The following RFTN1 variants were observed in gnomAD, a reference collection of about 807,000 sequenced individuals.
RFTN1 encodes raftlin, lipid raft linker 1.
RFTN1 carries 26 observed loss-of-function variants against 46.5 expected under a neutral mutation model. The ratio of observed to expected loss-of-function variants is 0.56; its 90% confidence interval spans 0.41 to 0.78. RFTN1 has a LOEUF of 0.78. RFTN1 is among the 30% of genes least tolerant of loss of function. The pLI, the probability that RFTN1 is intolerant of heterozygous loss-of-function variation, is 0.00. For missense variants in RFTN1, 693 were observed against 718.7 expected (o/e 0.96, Z 0.41); for synonymous variants, 261 against 284.2 (o/e 0.92, Z 0.82).
In RFTN1 at chr3:16,480,145, A is replaced by G. The variant is rs1021162489; in HGVS notation, c.145+13580T>C. On this transcript the variant is annotated intron_variant, in intron 2 of 9. Coordinates refer to ENST00000334133, the MANE Select transcript of RFTN1 (RefSeq NM_015150.2). This position sits in a 1 kb window ranked among gnomAD's most constrained non-coding sequence, Gnocchi z 4.3. ...ATCAATTTTGTTAAGTAACTTTGCC[A>G]GACAAGACTGCTTTCTCCAAAAAGA... Among the ~76,000 whole-genome samples, 3 of 142,498 alleles carry G rather than the reference A, an allele frequency of 2.1e-5. No individual in the cohort carries two copies. Among genetic ancestry groups the G allele is most frequent in the Admixed American group, 2.0e-4 (3 of 14,662 alleles). The allele number at this position is 142,498 out of a possible 152,430, so 93.5% of individuals were successfully genotyped here. A position where few individuals can be genotyped will look rare whatever the true frequency, so the allele number is the denominator to read the frequency against.
chr3:16,441,401 T>A (rs1264239906), intron 2 of RFTN1, among the ~76,000 whole-genome samples: 1 of 151,892 alleles, frequency 6.6e-6, no homozygotes, highest in African/African-American at 2.4e-5. Context: ...ATAAAGTAAA[T>A]TTTGTTTTTG....
chr3:16,324,050 G>T lies in RFTN1; in HGVS notation c.1251-593C>A, dbSNP rs1197770994. 2.0e-5 allele frequency among the ~76,000 whole-genome samples: 3 copies of T among 152,182 alleles called. No homozygotes were observed. The East Asian group carries it at 5.8e-4, about 29-fold the overall frequency. ...ACAGTGAATTCTCTCTTCCCAGGAAGGCAGGACCTGGAGCTGCCTCTAAAG... is the reference window on the plus strand; with the variant it reads ...ACAGTGAATTCTCTCTTCCCAGGAATGCAGGACCTGGAGCTGCCTCTAAAG... On this transcript the variant is annotated intron_variant, in intron 8 of 9. Transcript: ENST00000334133.
At chr3:16,369,040 G>C (rs907783868) in intron 6 of RFTN1, among the ~76,000 whole-genome samples, 2 of 152,160 alleles carry the variant, frequency 1.3e-5, no homozygotes, top group African/African-American at 4.8e-5. Context: ...CTATGATAAC[G>C]TGTCAATATT....
rs972658160 is a variant in RFTN1, at chr3:16,398,780, T to A, written c.441+10595A>T. Reference sequence around the variant, plus strand: ...GGGTGGCTGGAAAGTCACCTTGAGATGACAGAGTGTTATGCCCAGGCCCAG... The same window carrying A: ...GGGTGGCTGGAAAGTCACCTTGAGAAGACAGAGTGTTATGCCCAGGCCCAG... On this transcript the variant is annotated intron_variant, in intron 4 of 9. Transcript: ENST00000334133. Among the ~76,000 whole-genome samples the A allele has an allele frequency of 4.6e-5, 7 of 152,198 alleles. No individual in the cohort carries two copies. In the East Asian group the frequency reaches 9.6e-4, roughly 21 times the overall value.
intron 7 of RFTN1, among the ~76,000 whole-genome samples, chr3:16,350,554 G>T (rs532136988): frequency 4.0e-4 from 61 of 151,770 alleles, no homozygotes; most frequent in African/African-American, 1.4e-3. Context: ...AAACAGGTGT[G>T]TAACTGTCAA....
Position 16,442,583 on chromosome 3 carries a change from G to C in RFTN1, c.146-8546C>G, listed in dbSNP as rs570897982. ...TCACATAGTTAGTTTTCTTTTTTGT[G>C]CGTGGTAAGAGTACCTAAAATCTAT... On this transcript the variant is annotated intron_variant, in intron 2 of 9. Transcript: ENST00000334133. This position sits in a 1 kb window ranked among gnomAD's most constrained non-coding sequence, Gnocchi z 4.1. Among the ~76,000 whole-genome samples, 1 of 152,050 alleles carries C rather than the reference G, an allele frequency of 6.6e-6. No individual in the cohort carries two copies. Among genetic ancestry groups the C allele is most frequent in the East Asian group, 1.9e-4 (1 of 5,184 alleles).
intron 3 of RFTN1, among the ~76,000 whole-genome samples, chr3:16,423,831 G>T (rs1293658450): frequency 6.6e-6 from 1 of 152,210 alleles, no homozygotes; most frequent in Non-Finnish European, 1.5e-5. Context: ...CAGGAATCGT[G>T]TCCATCTCAT....
intron 6 of RFTN1, among the ~76,000 whole-genome samples, chr3:16,368,637 T>C (rs690299): frequency 0.79 from 118,925 of 151,274 alleles, 47,551 homozygotes; most frequent in African/African-American, 0.93. Context: ...CGCCACTGCA[T>C]TCCAGCACTC....
rs780015938 is a variant in RFTN1, at chr3:16,377,898, C to T, written c.646G>A (p.Gly216Arg). The change falls in exon 5 of 10, where the codon GGG (glycine) becomes AGG (arginine). Residue 216 changes from glycine to arginine, a missense_variant. Gly to Arg is a moderately radical substitution (Grantham distance 125). Transcript: ENST00000334133. ...GTGDVCSAPA[G>R]RNQSPEPSSG... ...CTGGGCTCTGGGCTTTGGTTTCTCCCAGCCGGAGCACTGCACACATCCCCA... is the reference window on the plus strand; with the variant it reads ...CTGGGCTCTGGGCTTTGGTTTCTCCTAGCCGGAGCACTGCACACATCCCCA... The T allele has an allele frequency of 1.9e-6, 3 of 1,614,118 alleles. No homozygotes were observed. Among genetic ancestry groups the T allele is most frequent in the Non-Finnish European group, 2.5e-6 (3 of 1,180,040 alleles).
Position 16,499,210 on chromosome 3 carries a change from C to T in RFTN1, c.-8-5333G>A, listed in dbSNP as rs187022982. 7.3e-4 allele frequency among the ~76,000 whole-genome samples: 111 copies of T among 152,290 alleles called. 1 individual carries two copies. The highest frequency in any genetic ancestry group is 1.1e-3 in the Non-Finnish European group (78 of 68,022). On this transcript the variant is annotated intron_variant, in intron 1 of 9. Coordinates refer to ENST00000334133, the MANE Select transcript of RFTN1 (RefSeq NM_015150.2). This position sits in a 1 kb window ranked among gnomAD's most constrained non-coding sequence, Gnocchi z 4.9. ...TAAGTAGGATGGTTTTTAAATGTGG[C>T]TCCAAAATCCACTGACATTCCTCCT...
At chr3:16,394,775 G>A (rs939233076) in intron 4 of RFTN1, among the ~76,000 whole-genome samples, 2 of 152,040 alleles carry the variant, frequency 1.3e-5, no homozygotes, top group Non-Finnish European at 2.9e-5. Context: ...TTCCATTATG[G>A]AGATTTCTTA....
chr3:16,375,248 C>T (rs2073719355), intron 5 of RFTN1, among the ~76,000 whole-genome samples: 1 of 151,954 alleles, frequency 6.6e-6, no homozygotes, highest in South Asian at 2.1e-4. Context: ...AGTGAGTGGG[C>T]TTCCTAGGAG....
Position 16,349,214 on chromosome 3 carries a change from A to G in RFTN1, c.1146+8718T>C, listed in dbSNP as rs537374627. ...GCGGCCATCTCCAGAGACAAGAAGAAAAAGAATTTCAGAGGCTCAGAGGAA... is the reference window on the plus strand; with the variant it reads ...GCGGCCATCTCCAGAGACAAGAAGAGAAAGAATTTCAGAGGCTCAGAGGAA... On this transcript the variant is annotated intron_variant, in intron 7 of 9. Transcript: ENST00000334133. 4.6e-5 allele frequency: 7 copies of G among 152,378 alleles called. No individual in the cohort carries two copies. In the East Asian group the frequency reaches 1.3e-3, roughly 29 times the overall value. 9.4% of individuals were successfully genotyped at this position (152,378 alleles called of 1,614,324 possible). A position where few individuals can be genotyped will look rare whatever the true frequency, so the allele number is the denominator to read the frequency against.
chr3:16,396,106 A>C (rs993000549), intron 4 of RFTN1, among the ~76,000 whole-genome samples: 10 of 152,184 alleles, frequency 6.6e-5, no homozygotes, highest in Admixed American at 1.3e-4. Flanking sequence ...TAAGGAATAA[A>C]ATGCCATTTT....
rs1038752021 is a variant in RFTN1 at position 16,321,702 on chromosome 3, A to C, written c.1332+1674T>G. ...AATGAGGCAGGAAATAATTAGGTAC[A>C]TGGAAAGAGAAAGCAGTCCACCCAG... On this transcript the variant is annotated intron_variant, in intron 9 of 9. Transcript: ENST00000334133. This position sits in a 1 kb window ranked among gnomAD's most constrained non-coding sequence, Gnocchi z 4.8. 2.0e-5 allele frequency among the ~76,000 whole-genome samples: 3 copies of C among 152,230 alleles called. No individual in the cohort carries two copies. The highest frequency in any genetic ancestry group is 7.2e-5 in the African/African-American group (3 of 41,460).
In RFTN1 at chr3:16,413,299, AAGTGGACATGT is replaced by A. The variant is rs2125453944; in HGVS notation, c.333-3827_333-3817del. Among the ~76,000 whole-genome samples the A allele has an allele frequency of 6.6e-6, 1 of 152,358 alleles. No homozygotes were observed. The highest frequency in any genetic ancestry group is 2.4e-5 in the African/African-American group (1 of 41,588). On this transcript the variant is annotated intron_variant, in intron 3 of 9. Coordinates refer to ENST00000334133, the MANE Select transcript of RFTN1 (RefSeq NM_015150.2). This position sits in a 1 kb window ranked among gnomAD's most constrained non-coding sequence, Gnocchi z 4.7. ...GGGCAAGGACTATCCTGGGAGACAGAAGTGGACATGTCCTAGAAGTGACCTCCAGGGCTGTG... is the reference window on the plus strand; with the variant it reads ...GGGCAAGGACTATCCTGGGAGACAGACCTAGAAGTGACCTCCAGGGCTGTG...
At chr3:16,366,049 G>A (rs2073147425) in intron 6 of RFTN1, among the ~76,000 whole-genome samples, 1 of 152,202 alleles carries the variant, frequency 6.6e-6, no homozygotes, top group African/African-American at 2.4e-5. Flanking sequence ...AAGGGTATGA[G>A]GAACGAGGAC....
chr3:16,452,050 C>A lies in RFTN1; in HGVS notation c.146-18013G>T, dbSNP rs942445754. ...ACAAATAGATGATCCACGTCCTGGG[C>A]GGAATAGAGCAGGATGGCACGAGAT... On this transcript the variant is annotated intron_variant, in intron 2 of 9. Transcript: ENST00000334133. This position sits in a 1 kb window ranked among gnomAD's most constrained non-coding sequence, Gnocchi z 6.3. Among the ~76,000 whole-genome samples the A allele has an allele frequency of 6.6e-6, 1 of 151,964 alleles. No individual in the cohort carries two copies. Among genetic ancestry groups the A allele is most frequent in the South Asian group, 2.1e-4 (1 of 4,810 alleles).
chr3:16,412,290 G>T (rs925648889), intron 3 of RFTN1, among the ~76,000 whole-genome samples: 5 of 152,218 alleles, frequency 3.3e-5, no homozygotes, highest in African/African-American at 9.6e-5. Flanking sequence ...CTGAAGAATG[G>T]CTGAAAGGGA....
Sources: allele counts gnomAD v4.1 joint callset (sites outside exome capture counted in the v4.1 genomes callset), GRCh38; gene constraint gnomAD v4.1.1; non-coding constraint Gnocchi (gnomAD v3.1); transcripts MANE v1.5; gene names NCBI Gene and HGNC (gene_info 2026-07-23, HGNC 2026-07-21).